Variants in PGAM1 observed in about 807,000 individuals in gnomAD.
PGAM1 encodes BPG-dependent PGAM 1.
A neutral mutation model predicts 23.5 loss-of-function variants in PGAM1; 21 were observed. That is an observed-to-expected ratio of 0.89 (90% CI 0.63 to 1.29). PGAM1 has a LOEUF of 1.29. PGAM1 is among the 50% of genes most tolerant of loss of function. The pLI is 0.00. For missense variants in PGAM1, 232 were observed against 336.3 expected (o/e 0.69, Z 2.42); for synonymous variants, 109 against 128.6 (o/e 0.85, Z 1.03).
chr10:97,430,255 C>CAAATATTT, intron 1 of PGAM1, 124 bp from the exon 2 acceptor site: 1 of 1,204,874 alleles, frequency 8.3e-7, no homozygotes, highest in Non-Finnish European at 1.2e-6. Context: ...AACAGTTGGC[C>CAAATATTT]AAATATTTTC....
intron 3 of PGAM1, 94 bp downstream of exon 3, chr10:97,431,229 G>A: frequency 7.0e-7 from 1 of 1,428,916 alleles, no homozygotes; most frequent in Non-Finnish European, 9.8e-7. Flanking sequence ...GGGAAGGGCT[G>A]GACATGTTAA....
At chr10:97,429,122 G>C (rs1023413323) in intron 1 of PGAM1, among the ~76,000 whole-genome samples, 1 of 100,998 alleles carries the variant, frequency 9.9e-6, no homozygotes, top group Admixed American at 1.5e-4. Context: ...TTTTTTGCGT[G>C]CGACAGAGTC....
rs1845483732 is a variant in PGAM1, at chr10:97,432,600, A to G, written c.*76A>G. Reference sequence around the variant, plus strand: ...GTCCCTCTGCCCCTCCCACCTGCACATGTCACACTGACCACATCTGTAGAC... The same window carrying G: ...GTCCCTCTGCCCCTCCCACCTGCACGTGTCACACTGACCACATCTGTAGAC... On this transcript the variant is annotated 3_prime_UTR_variant, in exon 4 of 4. Coordinates refer to ENST00000334828, the MANE Select transcript of PGAM1 (RefSeq NM_002629.4). The G allele has an allele frequency of 9.2e-7, 1 of 1,085,986 alleles. No individual in the cohort carries two copies. Among genetic ancestry groups the G allele is most frequent in the Admixed American group, 2.0e-5 (1 of 49,366 alleles). The allele number at this position is 1,085,986 out of a possible 1,614,324, so 67.3% of individuals were successfully genotyped here.
chr10:97,426,243 A>G lies in PGAM1; in HGVS notation c.-65A>G, dbSNP rs1845406456. The G allele has an allele frequency of 1.9e-6, 3 of 1,607,440 alleles. No individual in the cohort carries two copies. The highest frequency in any genetic ancestry group is 2.2e-5 in the East Asian group (1 of 44,732). ...CGGTGCGAGCGCGCAGGCGCGGCCG[A>G]CGGGGCGGGCTGCTACTCCGGAATC... On this transcript the variant is annotated 5_prime_UTR_variant, in exon 1 of 4. Transcript: ENST00000334828.
At position 97,426,585 on chromosome 10, in the gene PGAM1, G is replaced by A. The variant is rs997456105; in HGVS notation, c.139+139G>A. ...TAACAGTTTAGTGTGTAGTTGAGAA[G>A]ATGAGTGCAGAGGGTAGAGTCTACT... On this transcript the variant is annotated intron_variant, in intron 1 of 3. Transcript: ENST00000334828. 5.2e-5 allele frequency: 59 copies of A among 1,136,570 alleles called. No individual in the cohort carries two copies. The South Asian group carries it at 8.5e-4, about 16-fold the overall frequency. The allele number at this position is 1,136,570 out of a possible 1,614,324, so 70.4% of individuals were successfully genotyped here.
chr10:97,429,167 G>A (rs1359294249), intron 1 of PGAM1, among the ~76,000 whole-genome samples: 1 of 144,248 alleles, frequency 6.9e-6, no homozygotes, highest in African/African-American at 2.6e-5. Context: ...GCAGTGGCGC[G>A]ATCTCAGCTC....
chr10:97,431,088 T>C lies in PGAM1; in HGVS notation c.548T>C (p.Ile183Thr), dbSNP rs774056709. 11 of 1,614,180 alleles carry C rather than the reference T, an allele frequency of 6.8e-6. No individual in the cohort carries two copies. In the East Asian group the frequency reaches 2.5e-4, roughly 36 times the overall value. The change falls in exon 3 of 4, where the codon ATT becomes ACT. Residue 183 changes from isoleucine (I) to threonine (T), a missense_variant. By Grantham distance (89) the Ile-to-Thr change is moderately conservative. Transcript: ENST00000334828. ...ATCAAGGAGGGGAAACGTGTACTGA[T>C]TGCAGCCCATGGCAACAGCCTCCGG... is the stretch of plus-strand genomic sequence containing the variant. ...PQIKEGKRVL[I>T]AAHGNSLRGI... is the part of the protein sequence containing the mutation.
rs1845485628 is a variant in PGAM1 at position 97,432,774 on chromosome 10, T to A, written c.*250T>A. The A allele has an allele frequency of 2.5e-6, 1 of 397,948 alleles. No individual in the cohort carries two copies. Among genetic ancestry groups the A allele is most frequent in the East Asian group, 5.1e-5 (1 of 19,602 alleles). 24.7% of individuals were successfully genotyped at this position (397,948 alleles called of 1,614,324 possible). A position where few individuals can be genotyped will look rare whatever the true frequency, so the allele number is the denominator to read the frequency against. On this transcript the variant is annotated 3_prime_UTR_variant, in exon 4 of 4. Transcript: ENST00000334828. ...AGTCTAAGCTATGGAAAAGCTCCCC[T>A]TATCCAACAGAGTTTAAAAGTAGTG...
At chr10:97,429,384 G>A (rs768841079) in intron 1 of PGAM1, among the ~76,000 whole-genome samples, 1 of 152,154 alleles carries the variant, frequency 6.6e-6, no homozygotes, top group Non-Finnish European at 1.5e-5. Flanking sequence ...GATTACAGAC[G>A]TGAGCCACCG....
In PGAM1 at chr10:97,432,403, C is replaced by T; in HGVS notation, c.644C>T (p.Pro215Leu). 1 of 1,611,978 alleles carries T rather than the reference C, an allele frequency of 6.2e-7. No individual in the cohort carries two copies. Among genetic ancestry groups the T allele is most frequent in the Non-Finnish European group, 8.5e-7 (1 of 1,179,914 alleles). ...GAGCTGAACCTGCCGACTGGTATTC[C>T]CATTGTCTATGAATTGGACAAGAAC... Reference protein sequence around the residue: ...IMELNLPTGIPIVYELDKNLK... With the variant: ...IMELNLPTGILIVYELDKNLK... The change falls in exon 4 of 4, where the codon CCC becomes CTC. Residue 215 changes from proline to leucine, a missense_variant. By Grantham distance (98) the Pro-to-Leu change is moderately conservative. Transcript: ENST00000334828.
At chr10:97,430,249 G>C in intron 1 of PGAM1, 130 bp from the exon 2 acceptor site, 1 of 1,120,000 alleles carries the variant, frequency 8.9e-7, no homozygotes, top group East Asian at 2.4e-5. Context: ...AAACAAAACA[G>C]TTGGCCAAAT....
intron 1 of PGAM1, chr10:97,427,045 A>T (rs924548436): frequency 6.5e-6 from 1 of 152,694 alleles, no homozygotes; most frequent in African/African-American, 2.4e-5. Context: ...GAAAAAAAAA[A>T]TAATAATAAT....
intron 1 of PGAM1, among the ~76,000 whole-genome samples, chr10:97,428,858 T>G (rs1157033247): frequency 6.6e-6 from 1 of 152,172 alleles, no homozygotes; most frequent in Admixed American, 6.6e-5. Context: ...CTTCTTGGCC[T>G]CATTCTCATT....
At chr10:97,430,744 A>G in intron 2 of PGAM1, 91 bp downstream of exon 2, 1 of 1,572,434 alleles carries the variant, frequency 6.4e-7, no homozygotes. Context: ...AATTCATGAT[A>G]AAATAGTTAA....
intron 1 of PGAM1, 89 bp from the exon 2 acceptor site, chr10:97,430,290 G>C: frequency 6.7e-7 from 1 of 1,483,662 alleles, no homozygotes; most frequent in Non-Finnish European, 9.4e-7. Context: ...ATTGTCATTT[G>C]GACTACTTGT....
At position 97,433,250 on chromosome 10, in the gene PGAM1, T is replaced by C. The variant is rs1410844688; in HGVS notation, c.*726T>C. The C allele has an allele frequency of 6.6e-6, 1 of 150,844 alleles. No individual in the cohort carries two copies. The highest frequency in any genetic ancestry group is 2.4e-5 in the African/African-American group (1 of 40,834). 9.3% of individuals were successfully genotyped at this position (150,844 alleles called of 1,614,324 possible). A position where few individuals can be genotyped will look rare whatever the true frequency, so the allele number is the denominator to read the frequency against. ...AGGGGCAGGAGTGCTTCCTGGTGTG[T>C]GTATTAGAATCCCTTCCTGCCTTGT... On this transcript the variant is annotated 3_prime_UTR_variant, in exon 4 of 4. Coordinates refer to ENST00000334828, the MANE Select transcript of PGAM1 (RefSeq NM_002629.4).
At chr10:97,429,143 G>A (rs992960891) in intron 1 of PGAM1, among the ~76,000 whole-genome samples, 29 of 118,164 alleles carry the variant, frequency 2.5e-4, no homozygotes, top group African/African-American at 4.4e-4. Flanking sequence ...TCGCTCTATC[G>A]CCCAGACTGG....
chr10:97,427,976 T>C lies in PGAM1; in HGVS notation c.139+1530T>C, dbSNP rs1301026476. On this transcript the variant is annotated intron_variant, in intron 1 of 3. Coordinates refer to ENST00000334828, the MANE Select transcript of PGAM1 (RefSeq NM_002629.4). The stretch of plus-strand genomic sequence containing the variant: ...TGGGGTGGGCAGGGGAGTGATTGTT[T>C]GAGATGGCCTGGTGTGACCTCATCT... 10 of 1,262,450 alleles carry C rather than the reference T, an allele frequency of 7.9e-6. No individual in the cohort carries two copies. In the East Asian group the frequency reaches 4.5e-4, roughly 57 times the overall value. 78.2% of individuals were successfully genotyped at this position (1,262,450 alleles called of 1,614,324 possible).
chr10:97,430,043 C>CAAAAAAAAAAAA (rs71814636), intron 1 of PGAM1, among the ~76,000 whole-genome samples: 1 of 69,822 alleles, frequency 1.4e-5, no homozygotes, highest in Non-Finnish European at 3.2e-5. Flanking sequence ...GACTCCGTCT[C>CAAAAAAAAAAAA]AAAAAAAAAA....
Sources: gnomAD v4.1 joint callset for allele counts (sites outside exome capture counted in the v4.1 genomes callset) on GRCh38, gnomAD v4.1.1 for gene constraint, MANE v1.5 for transcripts, NCBI Gene and HGNC (gene_info 2026-07-23, HGNC 2026-07-21) for gene names.